RPRD1B: variants seen among roughly 807,000 people sequenced by gnomAD.
RPRD1B encodes the protein regulation of nuclear pre-mRNA domain-containing protein 1B.
A neutral mutation model predicts 41.5 loss-of-function variants in RPRD1B; 11 were observed. The ratio of observed to expected loss-of-function variants is 0.27; its 90% CI spans 0.17 to 0.44. RPRD1B has a LOEUF of 0.44. RPRD1B is among the 20% of genes least tolerant of loss of function. The pLI, the probability that RPRD1B is intolerant of heterozygous loss-of-function variation, is 1.00. For missense variants in RPRD1B, 248 were observed against 389.9 expected (o/e 0.64, Z 3.06); for synonymous variants, 158 against 155.6 (o/e 1.02, Z -0.12).
chr20:38,066,350 T>G, intron 6 of RPRD1B, 94 bp downstream of exon 6: 2 of 1,165,506 alleles, frequency 1.7e-6, no homozygotes, highest in Non-Finnish European at 1.2e-6. Flanking sequence ...AACAACATTT[T>G]TATCGTTTAA....
At chr20:38,064,317 A>G (rs1472782802) in intron 5 of RPRD1B, among the ~76,000 whole-genome samples, 1 of 152,186 alleles carries the variant, frequency 6.6e-6, no homozygotes, top group Non-Finnish European at 1.5e-5. Context: ...TGCAATATTC[A>G]CATTAAGAAG....
chr20:38,050,965 G>A (rs1181013184), intron 3 of RPRD1B, among the ~76,000 whole-genome samples: 2 of 152,234 alleles, frequency 1.3e-5, no homozygotes, highest in Non-Finnish European at 2.9e-5. Flanking sequence ...TTCTCGAGAA[G>A]TTTATTTCCA....
rs149969699 is a variant in RPRD1B, at chr20:38,050,436, C to G, written c.415+1955C>G. Among the ~76,000 whole-genome samples, 7 of 152,290 alleles carry G rather than the reference C, an allele frequency of 4.6e-5. No individual in the cohort carries two copies. The East Asian group carries it at 1.4e-3, about 29-fold the overall frequency. ...TTGTGTCCTTTGGAGGTCTTCAGTA[C>G]AGCTTTGGGGAATTACTCAGCATTC... On this transcript the variant is annotated intron_variant, in intron 3 of 6. Transcript: ENST00000373433.
intron 1 of RPRD1B, among the ~76,000 whole-genome samples, chr20:38,039,407 CT>C (rs1165738530): frequency 0.022 from 3,043 of 141,432 alleles, 36 homozygotes; most frequent in Middle Eastern, 0.04. Flanking sequence ...TACAAGAAAC[CT>C]TTTTTTTTTT....
chr20:38,045,968 C>T (rs1339214465), intron 2 of RPRD1B, among the ~76,000 whole-genome samples: 4 of 152,220 alleles, frequency 2.6e-5, no homozygotes, highest in African/African-American at 4.8e-5. Flanking sequence ...TAATTGAATT[C>T]CACCCTCCTT....
At chr20:38,062,181 A>C (rs2074304519) in intron 5 of RPRD1B, among the ~76,000 whole-genome samples, 1 of 152,198 alleles carries the variant, frequency 6.6e-6, no homozygotes, top group Non-Finnish European at 1.5e-5. Context: ...CTACAGTAGC[A>C]GTGGGAACTA....
At chr20:38,063,069 A>G (rs899444760) in intron 5 of RPRD1B, among the ~76,000 whole-genome samples, 44 of 152,060 alleles carry the variant, frequency 2.9e-4, no homozygotes, top group African/African-American at 1.0e-3. Context: ...TCACTGCTCA[A>G]GTCATATGGG....
intron 4 of RPRD1B, 77 bp from the exon 5 acceptor site, chr20:38,059,317 A>C: frequency 6.9e-7 from 1 of 1,441,966 alleles, no homozygotes. Flanking sequence ...ATTTGCCTCC[A>C]CCTCATTTAA....
At position 38,075,937 on chromosome 20, in the gene RPRD1B, G is replaced by T. The variant is rs529944708; in HGVS notation, c.831+9681G>T. ...ACATCTGTAGGAAGAAGTATGATTA[G>T]CTCTCTTTGCCTAATTCTGCCAGTA... On this transcript the variant is annotated intron_variant, in intron 6 of 6. Coordinates refer to ENST00000373433, the MANE Select transcript of RPRD1B (RefSeq NM_021215.4). Among the ~76,000 whole-genome samples, 11 of 152,242 alleles carry T rather than the reference G, an allele frequency of 7.2e-5. No individual in the cohort carries two copies. The East Asian group carries it at 1.9e-3, about 27-fold the overall frequency.
At chr20:38,045,360 A>C (rs548666325) in intron 2 of RPRD1B, among the ~76,000 whole-genome samples, 7 of 152,324 alleles carry the variant, frequency 4.6e-5, no homozygotes, top group African/African-American at 1.7e-4. Flanking sequence ...CCAGATGCCA[A>C]AGTGACTTCC....
At chr20:38,037,552 A>T (rs1462421400) in intron 1 of RPRD1B, among the ~76,000 whole-genome samples, 1 of 152,166 alleles carries the variant, frequency 6.6e-6, no homozygotes, top group African/African-American at 2.4e-5. Context: ...GTCCCCCAGG[A>T]TTGGGATGGA....
At chr20:38,076,486 G>C (rs2074460533) in intron 6 of RPRD1B, among the ~76,000 whole-genome samples, 1 of 152,190 alleles carries the variant, frequency 6.6e-6, no homozygotes, top group African/African-American at 2.4e-5. Context: ...TGTCTCTCCA[G>C]TGTTTAAAAG....
chr20:38,066,954 C>T (rs940019432), intron 6 of RPRD1B, among the ~76,000 whole-genome samples: 8 of 152,152 alleles, frequency 5.3e-5, no homozygotes, highest in Non-Finnish European at 1.2e-4. Flanking sequence ...CGCGCCCAGC[C>T]GTTTGGAGGT....
chr20:38,057,739 T>A, intron 4 of RPRD1B, 95 bp downstream of exon 4: 2 of 867,306 alleles, frequency 2.3e-6, no homozygotes, highest in South Asian at 2.9e-5. Context: ...ACCACTGGTA[T>A]GGAATCATCA....
At chr20:38,065,326 C>T (rs1223192736) in intron 5 of RPRD1B, among the ~76,000 whole-genome samples, 1 of 151,948 alleles carries the variant, frequency 6.6e-6, no homozygotes, top group Non-Finnish European at 1.5e-5. Context: ...GTTCCCACAC[C>T]CAATAAATAA....
At chr20:38,082,900 C>T (rs1194260586) in intron 6 of RPRD1B, among the ~76,000 whole-genome samples, 1 of 152,160 alleles carries the variant, frequency 6.6e-6, no homozygotes, top group Non-Finnish European at 1.5e-5. Context: ...TCTGCCAGCA[C>T]TAAAAACTAC....
intron 3 of RPRD1B, among the ~76,000 whole-genome samples, chr20:38,057,095 T>G (rs1430103162): frequency 1.3e-5 from 2 of 152,230 alleles, no homozygotes; most frequent in East Asian, 3.8e-4. Flanking sequence ...AAAGAATATT[T>G]GTGTTTGACA....
intron 6 of RPRD1B, among the ~76,000 whole-genome samples, chr20:38,069,649 G>A (rs537139832): frequency 6.6e-6 from 1 of 152,324 alleles, no homozygotes; most frequent in South Asian, 2.1e-4. Flanking sequence ...TGGGCACGAT[G>A]CACTTCTCCC....
chr20:38,042,160 G>C (rs1449461095), intron 2 of RPRD1B, among the ~76,000 whole-genome samples: 1 of 152,180 alleles, frequency 6.6e-6, no homozygotes, highest in African/African-American at 2.4e-5. Context: ...ATTCCAGCCT[G>C]GGCAGCATAG....
Sources: gnomAD v4.1 joint callset for allele counts (sites outside exome capture counted in the v4.1 genomes callset) on GRCh38, gnomAD v4.1.1 for gene constraint, MANE v1.5 for transcripts, NCBI Gene and HGNC (gene_info 2026-07-23, HGNC 2026-07-21) for gene names.